PKHD1: variants seen among roughly 807,000 people sequenced by gnomAD.
PKHD1 encodes the protein fibrocystin.
In PKHD1, 291 loss-of-function variants were observed where a neutral mutation model predicts 412.0. The ratio of observed to expected loss-of-function variants is 0.71; its 90% CI spans 0.64 to 0.78. The LOEUF is 0.78. Ranked by LOEUF, PKHD1 falls within the 30% of genes least tolerant of loss-of-function variation. The probability of loss-of-function intolerance (pLI) is 0.00; values close to 1 mark genes in which losing one functional copy is unlikely to be tolerated. For synonymous variants in PKHD1, 1,777 were observed against 1,821.5 expected (o/e 0.98, Z 0.62); for missense variants, 4,825 against 4,950.7 (o/e 0.97, Z 0.76).
chr6:51,755,346 C>T (rs1003396552), intron 55 of PKHD1, among the ~76,000 whole-genome samples: 1 of 152,082 alleles, frequency 6.6e-6, no homozygotes, highest in Admixed American at 6.6e-5. Context: ...TTTTTGACAA[C>T]TTTGGACATT....
chr6:51,886,991 C>T, intron 44 of PKHD1, 142 bp downstream of exon 44: 1 of 697,496 alleles, frequency 1.4e-6, no homozygotes, highest in Non-Finnish European at 2.6e-6. Flanking sequence ...TCAATTATAC[C>T]TCAAAAAAGC....
Position 52,043,189 on chromosome 6 carries a change from C to G in PKHD1, c.2822-55G>C, listed in dbSNP as rs1805206980. Reference sequence around the variant, plus strand: ...ATAAAATAATCTCTCAGTGATATTACTTCATTTGAGAGACCTCTCACTATC... The same window carrying G: ...ATAAAATAATCTCTCAGTGATATTAGTTCATTTGAGAGACCTCTCACTATC... On this transcript the variant is annotated intron_variant, in intron 26 of 66. Transcript: ENST00000371117. 3 of 1,402,898 alleles carry G rather than the reference C, an allele frequency of 2.1e-6. No homozygotes were observed. In the Admixed American group the frequency reaches 5.7e-5, roughly 27 times the overall value. 86.9% of individuals were successfully genotyped at this position (1,402,898 alleles called of 1,614,324 possible). A position where few individuals can be genotyped will look rare whatever the true frequency, so the allele number is the denominator to read the frequency against.
At chr6:51,649,687 T>C (rs750738125) in intron 61 of PKHD1, among the ~76,000 whole-genome samples, 2 of 152,138 alleles carry the variant, frequency 1.3e-5, no homozygotes, top group Non-Finnish European at 2.9e-5. Context: ...AATTCTGAGA[T>C]GACAAGATAA....
chr6:51,790,137 T>C (rs1793514826), intron 53 of PKHD1, among the ~76,000 whole-genome samples: 1 of 152,216 alleles, frequency 6.6e-6, no homozygotes, highest in African/African-American at 2.4e-5. Flanking sequence ...AACAAGGATA[T>C]CTAAATATTT....
At chr6:52,026,272 G>C in intron 31 of PKHD1, 91 bp from the exon 32 acceptor site, 1 of 1,203,586 alleles carries the variant, frequency 8.3e-7, no homozygotes, top group Admixed American at 1.8e-5. Flanking sequence ...TCAATTAAGT[G>C]GAAGGTAGGG....
At chr6:52,000,244 A>C (rs1227158403) in intron 35 of PKHD1, among the ~76,000 whole-genome samples, 3 of 152,232 alleles carry the variant, frequency 2.0e-5, no homozygotes, top group Non-Finnish European at 1.5e-5. Context: ...TGAGTCAGCA[A>C]GTAAACTAAT....
chr6:51,989,990 A>G (rs1459014624), intron 35 of PKHD1, among the ~76,000 whole-genome samples: 1 of 146,044 alleles, frequency 6.8e-6, no homozygotes, highest in Non-Finnish European at 1.5e-5. Flanking sequence ...GAAGGGAGAG[A>G]TACAGCAATT....
chr6:51,766,298 C>T (rs1788991041), intron 55 of PKHD1, among the ~76,000 whole-genome samples: 1 of 152,104 alleles, frequency 6.6e-6, no homozygotes, highest in African/African-American at 2.4e-5. Context: ...GGGATCCTTG[C>T]TGTGCTGTAT....
chr6:51,704,201 C>T (rs541399498), intron 60 of PKHD1, among the ~76,000 whole-genome samples: 21 of 152,106 alleles, frequency 1.4e-4, no homozygotes, highest in East Asian at 5.8e-4. Context: ...ACCCATCAAA[C>T]GAAAGACAAA....
At chr6:51,855,816 C>G in intron 49 of PKHD1, 77 bp downstream of exon 49, 1 of 1,139,702 alleles carries the variant, frequency 8.8e-7, no homozygotes. Flanking sequence ...GCTCCTCTTT[C>G]AACCCATTAT....
chr6:51,765,739 A>G (rs1788881574), intron 55 of PKHD1, among the ~76,000 whole-genome samples: 1 of 152,092 alleles, frequency 6.6e-6, no homozygotes, highest in South Asian at 2.1e-4. Flanking sequence ...CTTTCTCTCA[A>G]CTAAGATCTG....
At chr6:52,085,718 C>CTG (rs2128247962) in intron 1 of PKHD1, among the ~76,000 whole-genome samples, 1 of 152,188 alleles carries the variant, frequency 6.6e-6, no homozygotes, top group South Asian at 2.1e-4. Flanking sequence ...AACCAGTCTT[C>CTG]TATTTCCACA....
chr6:51,658,813 A>G, intron 61 of PKHD1, 139 bp downstream of exon 61: 1 of 658,400 alleles, frequency 1.5e-6, no homozygotes, highest in Non-Finnish European at 2.7e-6. Context: ...TCTTTAAATG[A>G]CTCTTTGAAT....
intron 28 of PKHD1, among the ~76,000 whole-genome samples, chr6:52,035,230 A>T (rs1329336020): frequency 1.3e-5 from 2 of 152,226 alleles, no homozygotes; most frequent in African/African-American, 2.4e-5. Flanking sequence ...AAACTAAGTT[A>T]TTTGTTGTTT....
chr6:51,763,113 A>G (rs1788323871), intron 55 of PKHD1, among the ~76,000 whole-genome samples: 1 of 152,150 alleles, frequency 6.6e-6, no homozygotes, highest in South Asian at 2.1e-4. Context: ...TATGTAGAAC[A>G]CACGCAATGG....
intron 65 of PKHD1, among the ~76,000 whole-genome samples, chr6:51,630,687 A>G (rs891121855): frequency 2.0e-5 from 3 of 152,144 alleles, no homozygotes; most frequent in African/African-American, 7.2e-5. Flanking sequence ...ATCTTTTTTT[A>G]TGAGTAAGTT....
intron 6 of PKHD1, among the ~76,000 whole-genome samples, chr6:52,075,192 G>A (rs972655525): frequency 2.6e-5 from 4 of 152,212 alleles, no homozygotes; most frequent in Non-Finnish European, 5.9e-5. Flanking sequence ...ACATGAGCAA[G>A]AGCATGCCAA....
In PKHD1 at chr6:51,659,656, A is replaced by G. The variant is rs770611675; in HGVS notation, c.10470T>C (p.Ser3490=). The change falls in exon 61 of 67, where the codon AGT becomes AGC. Residue 3490 remains serine, a synonymous_variant. Coordinates refer to ENST00000371117, the MANE Select transcript of PKHD1 (RefSeq NM_138694.4). ...ATACAGCCAAGAGAAGCTTGGAGGTACTTTTGTTCCCCAATAGAAAAAAGC... is the reference window on the plus strand; with the variant it reads ...ATACAGCCAAGAGAAGCTTGGAGGTGCTTTTGTTCCCCAATAGAAAAAAGC... ...VLRFFLLGNK[S]TSKLLLAVFY... is the part of the protein sequence containing the mutation. The G allele has an allele frequency of 2.4e-5, 38 of 1,613,718 alleles. No homozygotes were observed. The highest frequency in any genetic ancestry group is 3.1e-5 in the Non-Finnish European group (37 of 1,179,860).
At chr6:51,726,243 C>G (rs1782557010) in intron 60 of PKHD1, among the ~76,000 whole-genome samples, 1 of 152,168 alleles carries the variant, frequency 6.6e-6, no homozygotes, top group Admixed American at 6.5e-5. Flanking sequence ...AATTCCGGTT[C>G]CATTAACTCA....
Sources: gnomAD v4.1 joint callset for allele counts (sites outside exome capture counted in the v4.1 genomes callset) on GRCh38, gnomAD v4.1.1 for gene constraint, MANE v1.5 for transcripts, NCBI Gene and HGNC (gene_info 2026-07-23, HGNC 2026-07-21) for gene names.